The following FBXO11 variants were observed in gnomAD, a reference collection of about 807,000 sequenced individuals.
FBXO11 encodes the protein F-box protein 11.
In FBXO11, 13 loss-of-function variants were observed where a neutral mutation model predicts 117.0. The observed-to-expected ratio is 0.11, with a 90% CI of 0.07 to 0.18. The LOEUF is 0.18. Among genes scored for constraint, FBXO11 ranks in the 10% least tolerant of loss-of-function variants. The pLI, the probability that FBXO11 is intolerant of heterozygous loss-of-function variation, is 1.00. For missense variants in FBXO11, 767 were observed against 1,164.4 expected, an observed-to-expected ratio of 0.66 and a Z score of 4.97; for synonymous variants, 490 against 380.5, an observed-to-expected ratio of 1.29 and a Z score of -3.35.
At chr2:47,836,873 T>G (rs1172783028) in intron 4 of FBXO11, 5 of 338,076 alleles carry the variant, frequency 1.5e-5, no homozygotes, top group Non-Finnish European at 2.3e-5. Context: ...AGCCTTAACC[T>G]CCCAGGTTCA....
chr2:47,873,415 G>A (rs1675768525), intron 1 of FBXO11, among the ~76,000 whole-genome samples: 1 of 152,098 alleles, frequency 6.6e-6, no homozygotes, highest in Non-Finnish European at 1.5e-5. Flanking sequence ...AGTGCTCCTG[G>A]GTTTTATCCT....
chr2:47,873,339 C>T (rs1675763002), intron 1 of FBXO11, among the ~76,000 whole-genome samples: 3 of 152,340 alleles, frequency 2.0e-5, no homozygotes, highest in East Asian at 3.9e-4. Flanking sequence ...GAGGCAAATA[C>T]CTGGTTGCAC....
chr2:47,841,847 G>C (rs1167088051), intron 1 of FBXO11, among the ~76,000 whole-genome samples: 3 of 151,730 alleles, frequency 2.0e-5, no homozygotes, highest in Non-Finnish European at 2.9e-5. Flanking sequence ...CACCATGTTG[G>C]CCAGGATGGT....
At chr2:47,863,323 T>C (rs1674933223) in intron 1 of FBXO11, among the ~76,000 whole-genome samples, 1 of 152,222 alleles carries the variant, frequency 6.6e-6, no homozygotes, top group African/African-American at 2.4e-5. Flanking sequence ...ATAAAAGATA[T>C]TCTGCTTTCA....
At chr2:47,862,075 G>C (rs1048847711) in intron 1 of FBXO11, among the ~76,000 whole-genome samples, 1 of 151,976 alleles carries the variant, frequency 6.6e-6, no homozygotes, top group South Asian at 2.1e-4. Flanking sequence ...ACCATGCCTG[G>C]CTAATTTTTT....
At chr2:47,892,336 A>C (rs1306717380) in intron 1 of FBXO11, among the ~76,000 whole-genome samples, 1 of 152,228 alleles carries the variant, frequency 6.6e-6, no homozygotes, top group Non-Finnish European at 1.5e-5. Flanking sequence ...TAGATATTTC[A>C]CCCGAAAGGG....
At chr2:47,901,028 T>C (rs533291719) in intron 1 of FBXO11, among the ~76,000 whole-genome samples, 3 of 139,846 alleles carry the variant, frequency 2.1e-5, no homozygotes, top group Non-Finnish European at 4.6e-5. Context: ...TATGTATATA[T>C]ATACACACGT....
At chr2:47,817,602 C>CT (rs1671092328) in intron 16 of FBXO11, among the ~76,000 whole-genome samples, 1 of 152,184 alleles carries the variant, frequency 6.6e-6, no homozygotes, top group Admixed American at 6.5e-5. Flanking sequence ...TCATTTCTAG[C>CT]TTTTGATTTA....
intron 22 of FBXO11, 26 bp from the exon 23 acceptor site, chr2:47,808,273 T>C: frequency 6.2e-7 from 1 of 1,612,550 alleles, no homozygotes; most frequent in Non-Finnish European, 8.5e-7. Flanking sequence ...ACCCAAATAT[T>C]AGAAAAGTGA....
Position 47,905,913 on chromosome 2 carries a change from A to C in FBXO11, c.-193T>G, listed in dbSNP as rs1352307115. 2.1e-5 allele frequency: 12 copies of C among 574,834 alleles called. No homozygotes were observed. The highest frequency in any genetic ancestry group is 3.9e-5 in the Admixed American group (1 of 25,824). 35.6% of individuals were successfully genotyped at this position (574,834 alleles called of 1,614,324 possible). ...TCCGGAGAAAGGCCCGGGTAGACAG[A>C]CGGAGACCGAGCGAGGCCGGCCGGG... On this transcript the variant is annotated 5_prime_UTR_variant, in exon 1 of 23. Coordinates refer to ENST00000403359, the MANE Select transcript of FBXO11 (RefSeq NM_001190274.2).
intron 14 of FBXO11, among the ~76,000 whole-genome samples, chr2:47,819,417 T>C (rs1181573801): frequency 6.6e-6 from 1 of 152,176 alleles, no homozygotes; most frequent in African/African-American, 2.4e-5. Context: ...CGTTTCACCA[T>C]CTTGGCCAGG....
chr2:47,815,254 T>C (rs1670929257), intron 16 of FBXO11, among the ~76,000 whole-genome samples: 1 of 152,220 alleles, frequency 6.6e-6, no homozygotes, highest in Non-Finnish European at 1.5e-5. Flanking sequence ...CTAACGGTGA[T>C]GGACAGAGTC....
chr2:47,877,682 G>A lies in FBXO11; in HGVS notation c.232+27807C>T, dbSNP rs377761301. Among the ~76,000 whole-genome samples, 12 of 152,008 alleles carry A rather than the reference G, an allele frequency of 7.9e-5. No homozygotes were observed. In the South Asian group the frequency reaches 8.3e-4, roughly 11 times the overall value. ...CTCCCACCCCAGAATAAGGTTTTTCGTTTCGTTTTGTTTTGTTTTTGAGAT... is the reference window on the plus strand; with the variant it reads ...CTCCCACCCCAGAATAAGGTTTTTCATTTCGTTTTGTTTTGTTTTTGAGAT... On this transcript the variant is annotated intron_variant, in intron 1 of 22. Transcript: ENST00000403359.
At chr2:47,893,814 A>G (rs1677447144) in intron 1 of FBXO11, among the ~76,000 whole-genome samples, 1 of 152,220 alleles carries the variant, frequency 6.6e-6, no homozygotes, top group South Asian at 2.1e-4. Context: ...GTCACCCTGA[A>G]GCAGCTCAGG....
rs186653035 is a variant in FBXO11, at chr2:47,832,238, A to G, written c.1398+111T>C. 2.4e-3 allele frequency: 2,100 copies of G among 865,810 alleles called. 6 individuals carry two copies. Among genetic ancestry groups the G allele is most frequent in the Non-Finnish European group, 3.0e-3 (1,759 of 581,448 alleles). 53.6% of individuals were successfully genotyped at this position (865,810 alleles called of 1,614,324 possible). A position where few individuals can be genotyped will look rare whatever the true frequency, so the allele number is the denominator to read the frequency against. The stretch of plus-strand genomic sequence containing the variant: ...AAAATAATGCTGAAATTGCTTTTAA[A>G]CCTATACTCTTCAATTCAGATAATT... On this transcript the variant is annotated intron_variant, in intron 11 of 22. Transcript: ENST00000403359.
intron 13 of FBXO11, among the ~76,000 whole-genome samples, chr2:47,821,660 C>A (rs2104727031): frequency 6.6e-6 from 1 of 151,854 alleles, no homozygotes; most frequent in African/African-American, 2.4e-5. Flanking sequence ...TAGCATGCAC[C>A]TGTAATCCCA....
intron 1 of FBXO11, among the ~76,000 whole-genome samples, chr2:47,893,939 T>C (rs1677455784): frequency 6.6e-6 from 1 of 152,200 alleles, no homozygotes; most frequent in South Asian, 2.1e-4. Flanking sequence ...ACACTGCTTT[T>C]TGCGGATAAG....
rs923188952 is a variant in FBXO11 at position 47,905,538 on chromosome 2, TGGC to T, written c.180_182del (p.Pro66del). The T allele has an allele frequency of 1.2e-5, 15 of 1,234,912 alleles. No homozygotes were observed. In the East Asian group the frequency reaches 2.8e-4, roughly 23 times the overall value. 76.5% of individuals were successfully genotyped at this position (1,234,912 alleles called of 1,614,324 possible). Reference sequence around the variant, plus strand: ...CCTGAGGCAGCGGCGGAGGCGGCGGTGGCGGCGGCGGAGGCTGCTGCTGCTGCT... The same window carrying T: ...CCTGAGGCAGCGGCGGAGGCGGCGGTGGCGGCGGAGGCTGCTGCTGCTGCT... On this transcript the variant is annotated inframe_deletion, in exon 1 of 23. Coordinates refer to ENST00000403359, the MANE Select transcript of FBXO11 (RefSeq NM_001190274.2).
intron 1 of FBXO11, among the ~76,000 whole-genome samples, chr2:47,890,394 A>G (rs899584884): frequency 6.6e-5 from 10 of 152,206 alleles, no homozygotes; most frequent in Non-Finnish European, 1.3e-4. Context: ...TAAGCACTTA[A>G]AGCACACTTC....
Sources: allele counts gnomAD v4.1 joint callset (sites outside exome capture counted in the v4.1 genomes callset), GRCh38; gene constraint gnomAD v4.1.1; transcripts MANE v1.5; gene names NCBI Gene and HGNC (gene_info 2026-07-23, HGNC 2026-07-21).